Variants in CYP4A11 observed in about 807,000 individuals in gnomAD.
CYP4A11 encodes the protein cytochrome P450 4A11.
A neutral mutation model predicts 57.7 loss-of-function variants in CYP4A11; 52 were observed. That is an observed-to-expected ratio of 0.90 (90% CI 0.72 to 1.14). CYP4A11 has a LOEUF of 1.14. Among genes scored for constraint, CYP4A11 ranks in the 50% most tolerant of loss-of-function variants. The probability of loss-of-function intolerance (pLI) is 0.00; values close to 1 mark genes in which losing one functional copy is unlikely to be tolerated. For missense variants in CYP4A11, 641 were observed against 642.1 expected (o/e 1.00, Z 0.02); for synonymous variants, 228 against 247.1 (o/e 0.92, Z 0.72).
At position 46,941,462 on chromosome 1, in the gene CYP4A11, C is replaced by T. The variant is rs886764580; in HGVS notation, c.-29G>A. 8 of 1,605,392 alleles carry T rather than the reference C, an allele frequency of 5.0e-6. No individual in the cohort carries two copies. Among genetic ancestry groups the T allele is most frequent in the African/African-American group, 1.3e-5 (1 of 74,790 alleles). ...GCAGCACCTGCTGGATCTCTGAGTG[C>T]CCCTACCTCTCTCTGACCACCCCCG... On this transcript the variant is annotated 5_prime_UTR_variant, in exon 1 of 12. Coordinates refer to ENST00000310638, the MANE Select transcript of CYP4A11 (RefSeq NM_000778.4).
intron 3 of CYP4A11, 101 bp downstream of exon 3, chr1:46,937,201 G>T (rs1681462353): frequency 3.6e-6 from 5 of 1,381,832 alleles, no homozygotes; most frequent in Admixed American, 3.7e-5. Context: ...TGGGGATAAG[G>T]TCATGATAGT....
chr1:46,937,166 T>C lies in CYP4A11; in HGVS notation c.382+136A>G, dbSNP rs9333002. ...CATTAGGAAGGGGTGAGGGTCTTGTTAGAAGAAGGAAGTGAGGCTTGATTT... is the reference window on the plus strand; with the variant it reads ...CATTAGGAAGGGGTGAGGGTCTTGTCAGAAGAAGGAAGTGAGGCTTGATTT... On this transcript the variant is annotated intron_variant, in intron 3 of 11. Coordinates refer to ENST00000310638, the MANE Select transcript of CYP4A11 (RefSeq NM_000778.4). The C allele has an allele frequency of 4.3e-3, 4,708 of 1,099,056 alleles. 116 individuals carry two copies. The African/African-American group carries it at 0.063, about 15-fold the overall frequency. 68.1% of individuals were successfully genotyped at this position (1,099,056 alleles called of 1,614,324 possible). A position where few individuals can be genotyped will look rare whatever the true frequency, so the allele number is the denominator to read the frequency against.
At chr1:46,940,325 C>T (rs1253811239) in intron 1 of CYP4A11, among the ~76,000 whole-genome samples, 3 of 152,172 alleles carry the variant, frequency 2.0e-5, no homozygotes, top group Admixed American at 6.5e-5. Flanking sequence ...AGAAAGTTTA[C>T]GAATTTGTGT....
In CYP4A11 at chr1:46,932,810, C is replaced by G; in HGVS notation, c.1315G>C (p.Gly439Arg). 6.2e-7 allele frequency: 1 copy of G among 1,614,178 alleles called. No individual in the cohort carries two copies. The highest frequency in any genetic ancestry group is 8.5e-7 in the Non-Finnish European group (1 of 1,180,046). ...AAAGCGTGGCTGTGTTGAGCAGAAC[C>G]CGGTGCAAAACGGAAAGGGTCAAAC... ...EVFDPFRFAP[G>R]SAQHSHAFLP... The change falls in exon 11 of 12, where the codon GGT becomes CGT. Residue 439 changes from glycine (G) to arginine (R), a missense_variant. Coordinates refer to ENST00000310638, the MANE Select transcript of CYP4A11 (RefSeq NM_000778.4).
chr1:46,932,831 C>T lies in CYP4A11; in HGVS notation c.1294G>A (p.Asp432Asn). 6.2e-7 allele frequency: 1 copy of T among 1,614,184 alleles called. No individual in the cohort carries two copies. ...PKVWPNPEVFDPFRFAPGSAQ... is the reference protein window; with the variant it reads ...PKVWPNPEVFNPFRFAPGSAQ... ...GAACCCGGTGCAAAACGGAAAGGGT[C>T]AAACACCTGCAGAGAGAGCACCAGA... Residue 432 changes from aspartate to asparagine, a missense_variant, in exon 11 of 12, where the codon GAC becomes AAC. By Grantham distance (23) the Asp-to-Asn change is conservative (BLOSUM62 1). Transcript: ENST00000310638.
In CYP4A11 at chr1:46,937,301, C is replaced by A. The variant is rs781193852; in HGVS notation, c.382+1G>T. 6.2e-7 allele frequency: 1 copy of A among 1,614,016 alleles called. No homozygotes were observed. The highest frequency in any genetic ancestry group is 8.5e-7 in the Non-Finnish European group (1 of 1,179,944). On this transcript the variant is annotated splice_donor_variant, in intron 3 of 11. Coordinates refer to ENST00000310638, the MANE Select transcript of CYP4A11 (RefSeq NM_000778.4). LOFTEE classifies it high-confidence loss of function. ...GCTGCAGTCCTAGTTTGCACACATA[C>A]CAATCCATGGAGCCAGGAATCTGTA...
Position 46,932,818 on chromosome 1 carries a change from A to G in CYP4A11, c.1307T>C (p.Phe436Ser). The change falls in exon 11 of 12, where the codon TTT (phenylalanine) becomes TCT (serine). Residue 436 changes from phenylalanine (F) to serine (S), a missense_variant. Phe to Ser is a radical substitution (Grantham distance 155). Transcript: ENST00000310638. ...PNPEVFDPFR[F>S]APGSAQHSHA... The stretch of plus-strand genomic sequence containing the variant: ...GCTGTGTTGAGCAGAACCCGGTGCA[A>G]AACGGAAAGGGTCAAACACCTGCAG... 2 of 1,614,196 alleles carry G rather than the reference A, an allele frequency of 1.2e-6. No homozygotes were observed. Among genetic ancestry groups the G allele is most frequent in the African/African-American group, 1.3e-5 (1 of 75,044 alleles).
At chr1:46,932,109 G>T in intron 11 of CYP4A11, 1 of 979,414 alleles carries the variant, frequency 1.0e-6, no homozygotes, top group Non-Finnish European at 1.2e-6. Context: ...TGTCAAACGG[G>T]AAAATAGATG....
At position 46,931,232 on chromosome 1, in the gene CYP4A11, C is replaced by A. The variant is rs563303148; in HGVS notation, c.1365-922G>T. ...ACATCCTCAAGGCTAAAGTCAGATC[C>A]CAGCTGCCTCTCACTCCCTGCCAGC... On this transcript the variant is annotated intron_variant, in intron 11 of 11. Transcript: ENST00000310638. Among the ~76,000 whole-genome samples, 5 of 152,284 alleles carry A rather than the reference C, an allele frequency of 3.3e-5. No individual in the cohort carries two copies. The East Asian group carries it at 9.7e-4, about 30-fold the overall frequency.
Position 46,934,148 on chromosome 1 carries a change from G to T in CYP4A11, c.1088+28C>A, listed in dbSNP as rs371767278. 33 of 1,611,532 alleles carry T rather than the reference G, an allele frequency of 2.0e-5. No individual in the cohort carries two copies. The African/African-American group carries it at 3.9e-4, about 19-fold the overall frequency. ...CAGGGGCCCCTGTGGAGAAGGCAGG[G>T]AACCCCATCTTTTGAGCCCTCACTC... On this transcript the variant is annotated intron_variant, in intron 8 of 11. Transcript: ENST00000310638.
At chr1:46,937,203 C>G in intron 3 of CYP4A11, 99 bp downstream of exon 3, 1 of 1,393,756 alleles carries the variant, frequency 7.2e-7, no homozygotes, top group East Asian at 2.3e-5. Context: ...GGGATAAGGT[C>G]ATGATAGTGG....
chr1:46,938,042 G>A lies in CYP4A11; in HGVS notation c.291C>T (p.Val97=). Residue 97 remains valine (V), a synonymous_variant, in exon 2 of 12, where the codon GTC becomes GTT. Coordinates refer to ENST00000310638, the MANE Select transcript of CYP4A11 (RefSeq NM_000778.4). ...PHWLWGGKVR[V]QLYDPDYMKV... ...TCATATAGTCAGGGTCATAGAGCTG[G>A]ACACGAACTTTGCCTCCCCATAGCC... 6.2e-7 allele frequency: 1 copy of A among 1,614,172 alleles called. No homozygotes were observed. The highest frequency in any genetic ancestry group is 1.1e-5 in the South Asian group (1 of 91,076).
At chr1:46,933,313 C>T (rs953158242) in intron 9 of CYP4A11, among the ~76,000 whole-genome samples, 6 of 152,222 alleles carry the variant, frequency 3.9e-5, no homozygotes, top group African/African-American at 1.4e-4. Flanking sequence ...TGACATTTCA[C>T]ATTCATCAAA....
intron 9 of CYP4A11, 124 bp downstream of exon 9, chr1:46,933,822 T>C: frequency 1.4e-6 from 2 of 1,435,970 alleles, no homozygotes; most frequent in Non-Finnish European, 1.9e-6. Flanking sequence ...CAAAGTATGT[T>C]TTTGATTTTT....
At position 46,937,335 on chromosome 1, in the gene CYP4A11, G is replaced by A. The variant is rs142103959; in HGVS notation, c.349C>T (p.His117Tyr). ...GGAGCCAGGAATCTGTAGGAACCAT[G>A]GGATTTCGGGTCTGAAAGGCAAGAA... ...VILGRSDPKS[H>Y]GSYRFLAPWI... The change falls in exon 3 of 12, where the codon CAT becomes TAT. Residue 117 changes from histidine (H) to tyrosine (Y), a missense_variant. Transcript: ENST00000310638. 1 of 1,614,098 alleles carries A rather than the reference G, an allele frequency of 6.2e-7. No individual in the cohort carries two copies. The highest frequency in any genetic ancestry group is 1.3e-5 in the African/African-American group (1 of 75,058).
intron 2 of CYP4A11, 31 bp from the exon 3 acceptor site, chr1:46,937,377 C>A: frequency 6.2e-7 from 1 of 1,608,836 alleles, no homozygotes; most frequent in Non-Finnish European, 8.5e-7. Context: ...TTATAGGAAA[C>A]TAGGAGTTAC....
At chr1:46,932,019 C>T in intron 11 of CYP4A11, 10 of 985,320 alleles carry the variant, frequency 1.0e-5, no homozygotes, top group Non-Finnish European at 1.1e-5. Context: ...GTACTGTTCA[C>T]ATTTTTATGT....
chr1:46,938,149 G>T lies in CYP4A11; in HGVS notation c.196-12C>A, dbSNP rs773811195. ...TGGTCCTGTTGGAGCTGTCAACAAG[G>T]GTAGACAGATGAACACTTTCATTTA... On this transcript the variant is annotated splice_polypyrimidine_tract_variant and intron_variant, in intron 1 of 11. Coordinates refer to ENST00000310638, the MANE Select transcript of CYP4A11 (RefSeq NM_000778.4). 4.3e-6 allele frequency: 7 copies of T among 1,614,104 alleles called. No individual in the cohort carries two copies. The East Asian group carries it at 1.3e-4, about 31-fold the overall frequency.
chr1:46,937,560 A>G (rs1000057858), intron 2 of CYP4A11, among the ~76,000 whole-genome samples: 2 of 152,184 alleles, frequency 1.3e-5, no homozygotes, highest in Non-Finnish European at 2.9e-5. Context: ...AGGGTTAGGA[A>G]GGTGAATTGG....
Sources: gnomAD v4.1 joint callset for allele counts (sites outside exome capture counted in the v4.1 genomes callset) on GRCh38, gnomAD v4.1.1 for gene constraint, MANE v1.5 for transcripts, NCBI Gene and HGNC (gene_info 2026-07-23, HGNC 2026-07-21) for gene names.